The following CCNY variants were observed in gnomAD, a reference collection of about 807,000 sequenced individuals.
CCNY encodes cyclin-Y.
In CCNY, 19 loss-of-function variants were observed where a neutral mutation model predicts 42.8. The ratio of observed to expected loss-of-function variants is 0.44; its 90% CI spans 0.31 to 0.65. The LOEUF (loss-of-function observed/expected upper bound fraction) is 0.65. Ranked by LOEUF, CCNY falls within the 30% of genes least tolerant of loss-of-function variation. The probability of loss-of-function intolerance (pLI) is 0.07; values close to 1 mark genes in which losing one functional copy is unlikely to be tolerated. For synonymous variants in CCNY, 165 were observed against 162.7 expected (o/e 1.01, Z -0.11); for missense variants, 370 against 437.3 (o/e 0.85, Z 1.37).
At chr10:35,436,300 T>TC (rs1336970801) in intron 1 of CCNY, among the ~76,000 whole-genome samples, 2 of 152,114 alleles carry the variant, frequency 1.3e-5, no homozygotes, top group Non-Finnish European at 2.9e-5. Flanking sequence ...TCCTTATGGG[T>TC]CCCCCACCCC....
At chr10:35,288,266 C>T (rs4934744) in intron 3 of CCNY, among the ~76,000 whole-genome samples, 64,101 of 151,892 alleles carry the variant, frequency 0.42, 14,362 homozygotes, top group African/African-American at 0.57. Context: ...TAAATTTTAT[C>T]TGAAGATAGT....
At chr10:35,319,717 T>C (rs1352205391) in intron 3 of CCNY, among the ~76,000 whole-genome samples, 1 of 151,808 alleles carries the variant, frequency 6.6e-6, no homozygotes, top group East Asian at 1.9e-4. Context: ...CTACTAAAAA[T>C]ACAAAAAATT....
At chr10:35,418,356 G>T (rs1419435946) in intron 1 of CCNY, among the ~76,000 whole-genome samples, 1 of 152,134 alleles carries the variant, frequency 6.6e-6, no homozygotes, top group African/African-American at 2.4e-5. Flanking sequence ...CTTTCTCAAG[G>T]AAACCTGTAC....
At chr10:35,465,631 A>G (rs1002131551) in intron 1 of CCNY, among the ~76,000 whole-genome samples, 2 of 151,990 alleles carry the variant, frequency 1.3e-5, no homozygotes, top group African/African-American at 2.4e-5. Flanking sequence ...TTCTTCTTCA[A>G]CTGTCTTGCC....
chr10:35,319,185 G>A (rs557472635), intron 3 of CCNY, among the ~76,000 whole-genome samples: 1 of 152,230 alleles, frequency 6.6e-6, no homozygotes, highest in Non-Finnish European at 1.5e-5. Flanking sequence ...GAACTCTTGG[G>A]TTCAAGCAAG....
At chr10:35,258,164 A>G (rs570777301) in intron 3 of CCNY, among the ~76,000 whole-genome samples, 48 of 152,174 alleles carry the variant, frequency 3.2e-4, no homozygotes, top group Non-Finnish European at 5.9e-4. Context: ...CTGTCTCTAA[A>G]TAAATAAATA....
chr10:35,279,386 T>G (rs1180994826), intron 3 of CCNY, among the ~76,000 whole-genome samples: 2 of 152,116 alleles, frequency 1.3e-5, no homozygotes, highest in African/African-American at 4.8e-5. Context: ...AGTGCTGGGA[T>G]TACAGGCATA....
At chr10:35,278,116 G>A (rs1459754887) in intron 3 of CCNY, among the ~76,000 whole-genome samples, 2 of 152,100 alleles carry the variant, frequency 1.3e-5, no homozygotes, top group East Asian at 3.9e-4. Context: ...GACGTCGGGA[G>A]AAGAGGGGAA....
At chr10:35,501,165 A>G (rs1361724520) in intron 2 of CCNY, among the ~76,000 whole-genome samples, 1 of 152,178 alleles carries the variant, frequency 6.6e-6, no homozygotes, top group Non-Finnish European at 1.5e-5. Flanking sequence ...TCATTTGTTA[A>G]TTATGTTAAA....
At chr10:35,338,498 C>G (rs1836103200) in intron 1 of CCNY, among the ~76,000 whole-genome samples, 2 of 152,160 alleles carry the variant, frequency 1.3e-5, no homozygotes, top group African/African-American at 4.8e-5. Flanking sequence ...GAACTACAGC[C>G]ATACTTTCTT....
At chr10:35,554,491 A>G (rs554261772) in intron 8 of CCNY, among the ~76,000 whole-genome samples, 2 of 152,336 alleles carry the variant, frequency 1.3e-5, no homozygotes, top group South Asian at 4.1e-4. Context: ...AATAGTTGTC[A>G]TTCATATCAT....
At chr10:35,545,036 C>T (rs573874918) in intron 7 of CCNY, among the ~76,000 whole-genome samples, 1 of 152,186 alleles carries the variant, frequency 6.6e-6, no homozygotes, top group Non-Finnish European at 1.5e-5. Context: ...CGCATGTACA[C>T]TCAGTAACAT....
At chr10:35,350,534 T>C (rs914768534) in intron 1 of CCNY, among the ~76,000 whole-genome samples, 1 of 152,214 alleles carries the variant, frequency 6.6e-6, no homozygotes, top group Non-Finnish European at 1.5e-5. Context: ...ATTGGTTTTG[T>C]ATCTTTGTGG....
At chr10:35,315,648 C>A (rs1359056296) in intron 3 of CCNY, among the ~76,000 whole-genome samples, 1 of 152,182 alleles carries the variant, frequency 6.6e-6, no homozygotes, top group East Asian at 1.9e-4. Flanking sequence ...ATTGCTGGGT[C>A]AAATGATAGT....
chr10:35,316,483 G>A (rs1835761864), intron 3 of CCNY: 1 of 152,206 alleles, frequency 6.6e-6, no homozygotes, highest in South Asian at 2.1e-4. Flanking sequence ...TTCACAACAA[G>A]TGTTGCACAA....
chr10:35,353,798 T>TAAAA (rs1836480752), intron 1 of CCNY, among the ~76,000 whole-genome samples: 1 of 152,248 alleles, frequency 6.6e-6, no homozygotes, highest in African/African-American at 2.4e-5. Context: ...AGAATTATGT[T>TAAAA]TTAGGGAATT....
chr10:35,260,567 A>G (rs1361181682), intron 3 of CCNY, among the ~76,000 whole-genome samples: 1 of 152,244 alleles, frequency 6.6e-6, no homozygotes, highest in Admixed American at 6.5e-5. Context: ...CTGTGCATGA[A>G]AATTGCCTGG....
chr10:35,310,974 C>CAACAA (rs59550105), intron 3 of CCNY, among the ~76,000 whole-genome samples: 7,690 of 145,836 alleles, frequency 0.053, 383 homozygotes, highest in African/African-American at 0.13. Flanking sequence ...AACCCTGTCT[C>CAACAA]AACAAAACAA....
At chr10:35,412,031 G>T (rs1157277583) in intron 1 of CCNY, among the ~76,000 whole-genome samples, 1 of 152,218 alleles carries the variant, frequency 6.6e-6, no homozygotes. Context: ...CAAAGGAGCA[G>T]CTCCTGTGTG....
Sources: gnomAD v4.1 joint callset for allele counts (sites outside exome capture counted in the v4.1 genomes callset) on GRCh38, gnomAD v4.1.1 for gene constraint, MANE v1.5 for transcripts, NCBI Gene and HGNC (gene_info 2026-07-23, HGNC 2026-07-21) for gene names.